The following GSK3B variants were observed in gnomAD, a reference collection of about 807,000 sequenced individuals.
GSK3B encodes the protein glycogen synthase kinase 3 beta, also known as glycogen synthase kinase-3 beta.
GSK3B carries 15 observed loss-of-function variants against 56.4 expected under a neutral mutation model. The ratio of observed to expected loss-of-function variants is 0.27; its 90% CI spans 0.18 to 0.41. The LOEUF is 0.41. Ranked by LOEUF, GSK3B falls within the 10% of genes least tolerant of loss-of-function variation. The pLI is 1.00. For missense variants in GSK3B, 300 were observed against 513.4 expected, an observed-to-expected ratio of 0.58 and a Z score of 4.02; for synonymous variants, 181 against 188.9, an observed-to-expected ratio of 0.96 and a Z score of 0.34.
At chr3:119,875,467 C>T (rs187132930) in intron 8 of GSK3B, among the ~76,000 whole-genome samples, 60 of 150,672 alleles carry the variant, frequency 4.0e-4, no homozygotes, top group African/African-American at 1.4e-3. Flanking sequence ...CCTTAAAATA[C>T]GTATTATAAA....
chr3:119,975,614 G>A (rs986023207), intron 2 of GSK3B, among the ~76,000 whole-genome samples: 38 of 152,156 alleles, frequency 2.5e-4, no homozygotes, highest in Admixed American at 2.0e-4. Flanking sequence ...TCTTGAAGAA[G>A]GGAAAAATGA....
intron 2 of GSK3B, among the ~76,000 whole-genome samples, chr3:119,955,904 C>G (rs950746311): frequency 3.3e-5 from 5 of 152,110 alleles, no homozygotes; most frequent in Admixed American, 6.5e-5. Context: ...CCGCCTACCT[C>G]GGCCTCCCAA....
chr3:120,043,379 G>A (rs966365842), intron 1 of GSK3B, among the ~76,000 whole-genome samples: 5 of 151,964 alleles, frequency 3.3e-5, no homozygotes, highest in African/African-American at 1.2e-4. Flanking sequence ...TTCTATTGAT[G>A]ACCACCTTGT....
At chr3:120,015,989 T>C (rs76330913) in intron 1 of GSK3B, among the ~76,000 whole-genome samples, 15,996 of 152,212 alleles carry the variant, frequency 0.11, 959 homozygotes, top group African/African-American at 0.17. Flanking sequence ...GTCCCACATG[T>C]GTATTTAGGT....
chr3:120,088,587 CT>C lies in GSK3B; in HGVS notation c.88+4759del, dbSNP rs1484234986. ...GCTCTTCTTCTGAACAATGAAAATG[CT>C]TTTATTCTTGAAATCGGGGAAAACT... On this transcript the variant is annotated intron_variant, in intron 1 of 10. Coordinates refer to ENST00000264235, the MANE Select transcript of GSK3B (RefSeq NM_001146156.2). Among the ~76,000 whole-genome samples the C allele has an allele frequency of 2.6e-5, 4 of 152,264 alleles. No homozygotes were observed. The East Asian group carries it at 7.7e-4, about 29-fold the overall frequency.
At chr3:119,860,181 T>C (rs2056082848) in intron 9 of GSK3B, among the ~76,000 whole-genome samples, 1 of 152,156 alleles carries the variant, frequency 6.6e-6, no homozygotes, top group South Asian at 2.1e-4. Context: ...CCTAATATAT[T>C]CCAGTCTTGG....
intron 7 of GSK3B, among the ~76,000 whole-genome samples, chr3:119,888,013 C>T (rs747729532): frequency 6.6e-6 from 1 of 152,028 alleles, no homozygotes; most frequent in Non-Finnish European, 1.5e-5. Flanking sequence ...GTGAAAATAT[C>T]CTTCAAAATA....
chr3:119,830,071 CA>C (rs956444799), intron 10 of GSK3B, among the ~76,000 whole-genome samples: 2 of 151,760 alleles, frequency 1.3e-5, no homozygotes, highest in Non-Finnish European at 2.9e-5. Context: ...AAAAGTAAAA[CA>C]AAAAAAGGCA....
At chr3:119,993,533 A>T (rs2057586577) in intron 2 of GSK3B, among the ~76,000 whole-genome samples, 1 of 152,186 alleles carries the variant, frequency 6.6e-6, no homozygotes, top group Non-Finnish European at 1.5e-5. Context: ...AAAAAACATA[A>T]ACAGTGAACT....
intron 1 of GSK3B, among the ~76,000 whole-genome samples, chr3:120,034,123 T>C (rs2058002021): frequency 6.6e-6 from 1 of 152,220 alleles, no homozygotes; most frequent in Non-Finnish European, 1.5e-5. Context: ...TCTTGTATTC[T>C]GGATACAAGT....
chr3:119,905,217 A>T (rs879903290), intron 7 of GSK3B, among the ~76,000 whole-genome samples: 2 of 151,768 alleles, frequency 1.3e-5, no homozygotes, highest in African/African-American at 4.8e-5. Flanking sequence ...ATAAAATTAT[A>T]TTAAATTCAT....
intron 7 of GSK3B, among the ~76,000 whole-genome samples, chr3:119,884,045 G>A (rs1334776128): frequency 1.3e-5 from 2 of 152,102 alleles, no homozygotes; most frequent in Non-Finnish European, 2.9e-5. Flanking sequence ...CTGTGACAGT[G>A]TATAACAGGC....
At position 119,828,164 on chromosome 3, in the gene GSK3B, T is replaced by TTA. The variant is rs2107994573; in HGVS notation, c.1196-1310_1196-1309insTA. 1.3e-5 allele frequency among the ~76,000 whole-genome samples: 2 copies of TTA among 152,322 alleles called. 1 individual carries two copies. The highest frequency in any genetic ancestry group is 3.9e-4 in the East Asian group (2 of 5,190). ...TGTAGTCAAATCTTGACGTAGAACT[T>TTA]ACTTAGAGCTTACTTTGCCCTAATC... On this transcript the variant is annotated intron_variant, in intron 10 of 10. Transcript: ENST00000264235.
intron 4 of GSK3B, among the ~76,000 whole-genome samples, chr3:119,920,343 G>T (rs1302957535): frequency 6.6e-6 from 1 of 152,160 alleles, no homozygotes; most frequent in African/African-American, 2.4e-5. Flanking sequence ...AGGTACAAGT[G>T]ATTCTCCTAC....
intron 1 of GSK3B, chr3:120,041,365 A>G (rs2058063659): frequency 3.1e-6 from 1 of 321,352 alleles, no homozygotes. Context: ...AGAGATGTCC[A>G]TAAGATGGTG....
chr3:120,074,392 C>T (rs2107568084), intron 1 of GSK3B, among the ~76,000 whole-genome samples: 1 of 149,716 alleles, frequency 6.7e-6, no homozygotes, highest in African/African-American at 2.5e-5. Context: ...CACTCTGTCA[C>T]CCAGGCTGGA....
In GSK3B at chr3:119,824,682, T is replaced by G. The variant is rs1167524355; in HGVS notation, c.*2106A>C. On this transcript the variant is annotated 3_prime_UTR_variant, in exon 11 of 11. Coordinates refer to ENST00000264235, the MANE Select transcript of GSK3B (RefSeq NM_001146156.2). ...TTCAAATCTTAGCTTTCAGAAGCAC[T>G]TTATAAAACATAAAATTCAATTTGT... The G allele has an allele frequency of 5.1e-6, 1 of 194,864 alleles. No individual in the cohort carries two copies. Among genetic ancestry groups the G allele is most frequent in the Non-Finnish European group, 1.1e-5 (1 of 93,586 alleles). The allele number at this position is 194,864 out of a possible 1,614,324, so 12.1% of individuals were successfully genotyped here. A position where few individuals can be genotyped will look rare whatever the true frequency, so the allele number is the denominator to read the frequency against.
intron 9 of GSK3B, among the ~76,000 whole-genome samples, chr3:119,851,512 A>T (rs1253951266): frequency 6.6e-6 from 1 of 152,194 alleles, no homozygotes; most frequent in Non-Finnish European, 1.5e-5. Flanking sequence ...CTGTTGTGTG[A>T]AAGATGAGGA....
chr3:119,945,146 C>T (rs989527654), intron 3 of GSK3B, among the ~76,000 whole-genome samples: 5 of 152,120 alleles, frequency 3.3e-5, no homozygotes, highest in Admixed American at 1.3e-4. Context: ...TGGGAGATTA[C>T]GGGAAGTCTT....
Sources: allele counts gnomAD v4.1 joint callset (sites outside exome capture counted in the v4.1 genomes callset), GRCh38; gene constraint gnomAD v4.1.1; transcripts MANE v1.5; gene names NCBI Gene and HGNC (gene_info 2026-07-23, HGNC 2026-07-21).